CPNE4: variants seen among roughly 807,000 people sequenced by gnomAD.
The protein encoded by CPNE4 is copine-4.
In CPNE4, 25 loss-of-function variants were observed where a neutral mutation model predicts 67.9. The observed-to-expected ratio is 0.37, with a 90% confidence interval of 0.27 to 0.51. The LOEUF is 0.51. CPNE4 is among the 20% of genes least tolerant of loss of function. The pLI, the probability that CPNE4 is intolerant of heterozygous loss-of-function variation, is 0.93. For missense variants in CPNE4, 464 were observed against 690.8 expected, an observed-to-expected ratio of 0.67 and a Z score of 3.68; for synonymous variants, 242 against 244.9, an observed-to-expected ratio of 0.99 and a Z score of 0.11.
intron 1 of CPNE4, among the ~76,000 whole-genome samples, chr3:131,954,687 A>T (rs1377517257): frequency 6.6e-6 from 1 of 151,878 alleles, no homozygotes; most frequent in Non-Finnish European, 1.5e-5. Flanking sequence ...GATGTTCCCC[A>T]TCCTGTGTCC....
chr3:132,001,603 G>GA (rs907523621), intron 1 of CPNE4, among the ~76,000 whole-genome samples: 3 of 149,100 alleles, frequency 2.0e-5, no homozygotes, highest in African/African-American at 7.5e-5. Context: ...AAGAAAGAAA[G>GA]AAAGAAAGAA....
chr3:131,986,462 T>C (rs888330157), intron 1 of CPNE4, among the ~76,000 whole-genome samples: 3 of 152,150 alleles, frequency 2.0e-5, no homozygotes, highest in African/African-American at 7.2e-5. Context: ...TCCTTTAGGT[T>C]CTAGGGAAGA....
At chr3:131,927,593 T>C (rs1408045587) in intron 1 of CPNE4, among the ~76,000 whole-genome samples, 1 of 152,234 alleles carries the variant, frequency 6.6e-6, no homozygotes, top group Non-Finnish European at 1.5e-5. Context: ...AGTTCAGTGC[T>C]TGGCTCAAAT....
chr3:131,717,883 T>C (rs1464797613), intron 3 of CPNE4, among the ~76,000 whole-genome samples: 1,713 of 13,796 alleles, frequency 0.12, 158 homozygotes, highest in East Asian at 0.36. Context: ...CTTTTCTTTC[T>C]TTCTTTCTTT....
chr3:131,683,326 G>A (rs536304442), intron 6 of CPNE4, among the ~76,000 whole-genome samples: 20 of 152,228 alleles, frequency 1.3e-4, no homozygotes, highest in African/African-American at 3.6e-4. Flanking sequence ...ATTATTTGGG[G>A]ACCAAGAGAT....
At chr3:131,634,412 C>T (rs1480082780) in intron 7 of CPNE4, among the ~76,000 whole-genome samples, 4 of 152,124 alleles carry the variant, frequency 2.6e-5, no homozygotes, top group African/African-American at 9.7e-5. Flanking sequence ...CTGTCAGAAT[C>T]AATGAAGAAA....
chr3:131,831,381 T>C (rs2085363240), intron 2 of CPNE4, among the ~76,000 whole-genome samples: 1 of 152,152 alleles, frequency 6.6e-6, no homozygotes, highest in Non-Finnish European at 1.5e-5. Flanking sequence ...GATGCTGTTT[T>C]TTCTTTAAAT....
At chr3:131,738,279 C>A (rs1340521379) in intron 2 of CPNE4, among the ~76,000 whole-genome samples, 1 of 152,262 alleles carries the variant, frequency 6.6e-6, no homozygotes, top group African/African-American at 2.4e-5. Flanking sequence ...AGTGGCTCTT[C>A]ATTGTGATAG....
intron 2 of CPNE4, among the ~76,000 whole-genome samples, chr3:131,858,760 G>C (rs538707686): frequency 1.3e-5 from 2 of 152,212 alleles, no homozygotes; most frequent in African/African-American, 4.8e-5. Flanking sequence ...AACACACCTA[G>C]GAGTTGTGGC....
intron 2 of CPNE4, among the ~76,000 whole-genome samples, chr3:131,843,413 G>A (rs72989507): frequency 0.035 from 5,268 of 152,274 alleles, 231 homozygotes; most frequent in African/African-American, 0.099. Context: ...TACAGGGTAC[G>A]TTGCTCAAAT....
chr3:131,987,817 G>A (rs1383147654), intron 1 of CPNE4, among the ~76,000 whole-genome samples: 2 of 152,132 alleles, frequency 1.3e-5, no homozygotes, highest in Non-Finnish European at 2.9e-5. Context: ...TCTGATGCTC[G>A]ATAGCATCTG....
At chr3:131,935,652 TGTATGACCA>T (rs1206654313) in intron 1 of CPNE4, among the ~76,000 whole-genome samples, 1 of 152,052 alleles carries the variant, frequency 6.6e-6, no homozygotes, top group East Asian at 1.9e-4. Flanking sequence ...TGATCAAAAC[TGTATGACCA>T]GAAGATTCAG....
intron 7 of CPNE4, among the ~76,000 whole-genome samples, chr3:131,613,988 C>T (rs1250701063): frequency 6.6e-6 from 1 of 152,004 alleles, no homozygotes; most frequent in African/African-American, 2.4e-5. Flanking sequence ...GTCATTTGGC[C>T]CAGTGGCTGG....
intron 6 of CPNE4, among the ~76,000 whole-genome samples, chr3:131,673,687 GT>G (rs2107661166): frequency 6.6e-6 from 1 of 152,032 alleles, no homozygotes; most frequent in African/African-American, 2.4e-5. Context: ...ACTTTGCTGA[GT>G]TTATTAGTTC....
intron 1 of CPNE4, among the ~76,000 whole-genome samples, chr3:132,010,755 C>G (rs951307766): frequency 1.3e-5 from 2 of 152,218 alleles, no homozygotes; most frequent in African/African-American, 4.8e-5. Context: ...ATAGCCACAT[C>G]TGCCTTTGGT....
At chr3:131,619,064 G>C (rs185962262) in intron 7 of CPNE4, among the ~76,000 whole-genome samples, 1 of 152,298 alleles carries the variant, frequency 6.6e-6, no homozygotes, top group African/African-American at 2.4e-5. Context: ...TGGTCAAGCA[G>C]AGAGCTTGCA....
intron 2 of CPNE4, among the ~76,000 whole-genome samples, chr3:131,763,105 A>G (rs762800382): frequency 4.6e-5 from 7 of 152,132 alleles, no homozygotes; most frequent in Non-Finnish European, 8.8e-5. Flanking sequence ...ATTTCCCCCA[A>G]GAAGTTCTGA....
chr3:131,939,347 GA>G (rs5852670), intron 1 of CPNE4, among the ~76,000 whole-genome samples: 1 of 151,778 alleles, frequency 6.6e-6, no homozygotes, highest in African/African-American at 2.4e-5. Context: ...ATTGGTAAGT[GA>G]AAAAAAATGA....
At chr3:131,613,271 A>G (rs1356667420) in intron 7 of CPNE4, among the ~76,000 whole-genome samples, 3 of 152,186 alleles carry the variant, frequency 2.0e-5, no homozygotes, top group South Asian at 2.1e-4. Flanking sequence ...TGAGATTACC[A>G]TCTCATCTCT....
Sources: allele counts gnomAD v4.1 joint callset (sites outside exome capture counted in the v4.1 genomes callset), GRCh38; gene constraint gnomAD v4.1.1; transcripts MANE v1.5; gene names NCBI Gene and HGNC (gene_info 2026-07-23, HGNC 2026-07-21).